The following NRF1 variants were observed in gnomAD, a reference collection of about 807,000 sequenced individuals.
The protein encoded by NRF1 is alpha palindromic-binding protein.
NRF1 carries 5 observed loss-of-function variants against 58.5 expected under a neutral mutation model. That is an observed-to-expected ratio of 0.09 (90% CI 0.04 to 0.18). NRF1 has a LOEUF of 0.18. Ranked by LOEUF, NRF1 falls within the 10% of genes least tolerant of loss-of-function variation. The pLI is 1.00. For missense variants in NRF1, 288 were observed against 657.7 expected, an observed-to-expected ratio of 0.44 and a Z score of 6.15; for synonymous variants, 224 against 246.7, an observed-to-expected ratio of 0.91 and a Z score of 0.86.
chr7:129,704,568 A>G (rs1030613028), intron 5 of NRF1, among the ~76,000 whole-genome samples: 1 of 152,168 alleles, frequency 6.6e-6, no homozygotes, highest in African/African-American at 2.4e-5. Flanking sequence ...AATGTTTGGG[A>G]CCAGAAGTAC....
chr7:129,740,568 C>T (rs944000083), intron 10 of NRF1, among the ~76,000 whole-genome samples: 3 of 152,202 alleles, frequency 2.0e-5, no homozygotes, highest in Non-Finnish European at 4.4e-5. Context: ...TTCTGTCACT[C>T]CTCAGGCATA....
chr7:129,735,797 A>C (rs1803694903), intron 10 of NRF1, among the ~76,000 whole-genome samples: 2 of 152,118 alleles, frequency 1.3e-5, no homozygotes, highest in East Asian at 3.9e-4. Context: ...TCACGAGGTC[A>C]GGAGATCGAG....
intron 1 of NRF1, among the ~76,000 whole-genome samples, chr7:129,631,324 G>A (rs935609938): frequency 6.6e-6 from 1 of 151,664 alleles, no homozygotes; most frequent in African/African-American, 2.4e-5. Flanking sequence ...GACTCAAGCA[G>A]TCCTTCCACC....
At chr7:129,667,429 G>C (rs530277474) in intron 2 of NRF1, among the ~76,000 whole-genome samples, 1 of 152,058 alleles carries the variant, frequency 6.6e-6, no homozygotes, top group South Asian at 2.1e-4. Flanking sequence ...TTATACCTTT[G>C]CCCATTTCCC....
At chr7:129,745,203 A>C (rs10500119) in intron 10 of NRF1, among the ~76,000 whole-genome samples, 6,476 of 152,046 alleles carry the variant, frequency 0.043, 166 homozygotes, top group Middle Eastern at 0.12. Flanking sequence ...TATTGCCATG[A>C]TCTATCCTCT....
At chr7:129,703,303 G>A (rs1584656459) in intron 5 of NRF1, among the ~76,000 whole-genome samples, 1 of 152,070 alleles carries the variant, frequency 6.6e-6, no homozygotes, top group Non-Finnish European at 1.5e-5. Context: ...ATTAAAGGAC[G>A]GTCTGAGAGG....
intron 1 of NRF1, among the ~76,000 whole-genome samples, chr7:129,626,364 T>C (rs1800919812): frequency 6.6e-6 from 1 of 152,180 alleles, no homozygotes; most frequent in South Asian, 2.1e-4. Context: ...TTTTGCGTTC[T>C]GGACATCATT....
intron 4 of NRF1, among the ~76,000 whole-genome samples, chr7:129,688,683 G>GGA (rs1271623241): frequency 8.1e-4 from 118 of 145,980 alleles, no homozygotes; most frequent in East Asian, 4.5e-3. Flanking sequence ...CATAGTGGCA[G>GGA]GAGAGAGACA....
intron 3 of NRF1, among the ~76,000 whole-genome samples, chr7:129,676,513 A>G (rs1316400319): frequency 6.6e-6 from 1 of 152,220 alleles, no homozygotes; most frequent in African/African-American, 2.4e-5. Flanking sequence ...GAGGCAGGAA[A>G]CAGTTGGTCA....
At chr7:129,744,173 G>T in intron 10 of NRF1, 1 of 1,530,704 alleles carries the variant, frequency 6.5e-7, no homozygotes, top group Non-Finnish European at 8.8e-7. Flanking sequence ...TTATTGTCAG[G>T]CCTCTTTATG....
chr7:129,727,845 C>G (rs534121316), intron 10 of NRF1, among the ~76,000 whole-genome samples: 21 of 152,270 alleles, frequency 1.4e-4, no homozygotes, highest in Middle Eastern at 6.8e-3. Flanking sequence ...CTGGTTGGTA[C>G]TGTGGTTCTG....
chr7:129,688,054 TAAA>T (rs1472919249), intron 4 of NRF1, among the ~76,000 whole-genome samples: 3 of 152,246 alleles, frequency 2.0e-5, no homozygotes, highest in Non-Finnish European at 2.9e-5. Context: ...AACTGGCTAA[TAAA>T]GAAGTAGTAA....
chr7:129,732,811 A>G (rs957681342), intron 10 of NRF1, among the ~76,000 whole-genome samples: 3 of 152,102 alleles, frequency 2.0e-5, no homozygotes, highest in Non-Finnish European at 4.4e-5. Flanking sequence ...CATGTTGGTC[A>G]GGCTGGTCTC....
intron 9 of NRF1, 148 bp downstream of exon 9, chr7:129,717,524 G>A (rs552934231): frequency 2.3e-5 from 19 of 823,796 alleles, no homozygotes; most frequent in Middle Eastern, 3.7e-4. Flanking sequence ...TTGTAGTTTG[G>A]CCTATAATAG....
chr7:129,695,524 C>T (rs925237535), intron 5 of NRF1, among the ~76,000 whole-genome samples: 1 of 149,578 alleles, frequency 6.7e-6, no homozygotes, highest in Non-Finnish European at 1.5e-5. Context: ...TACATTGAGC[C>T]GAGATCATGC....
intron 5 of NRF1, among the ~76,000 whole-genome samples, chr7:129,701,929 C>A (rs184839626): frequency 1.3e-5 from 2 of 152,276 alleles, no homozygotes; most frequent in Admixed American, 1.3e-4. Flanking sequence ...ATGAGAAGAT[C>A]TCTATGACAA....
At chr7:129,646,569 A>T (rs1449565200) in intron 1 of NRF1, among the ~76,000 whole-genome samples, 1 of 152,178 alleles carries the variant, frequency 6.6e-6, no homozygotes, top group Non-Finnish European at 1.5e-5. Context: ...CTGATCTCCT[A>T]GTGGAATGCC....
chr7:129,660,877 A>G (rs1801765212), intron 2 of NRF1, among the ~76,000 whole-genome samples: 1 of 150,784 alleles, frequency 6.6e-6, no homozygotes, highest in Non-Finnish European at 1.5e-5. Flanking sequence ...GAGGTCTCCG[A>G]CCCAACCCCA....
At chr7:129,689,789 G>A (rs1168214994) in intron 4 of NRF1, among the ~76,000 whole-genome samples, 2 of 152,220 alleles carry the variant, frequency 1.3e-5, no homozygotes, top group Admixed American at 1.3e-4. Context: ...AGAAGCAAGG[G>A]AGATTTGACC....
Sources: allele counts gnomAD v4.1 joint callset (sites outside exome capture counted in the v4.1 genomes callset), GRCh38; gene constraint gnomAD v4.1.1; transcripts MANE v1.5; gene names NCBI Gene and HGNC (gene_info 2026-07-23, HGNC 2026-07-21).